Variants in TMEM266 observed in about 807,000 individuals in gnomAD.
TMEM266 encodes the protein Hv1 related protein 1.
In TMEM266, 33 loss-of-function variants were observed where a neutral mutation model predicts 50.5. The ratio of observed to expected loss-of-function variants is 0.65; its 90% CI spans 0.50 to 0.87. The LOEUF is 0.87. Ranked by LOEUF, TMEM266 falls within the 40% of genes least tolerant of loss-of-function variation. The probability of loss-of-function intolerance (pLI) is 0.00; values close to 1 mark genes in which losing one functional copy is unlikely to be tolerated. For synonymous variants in TMEM266, 310 were observed against 292.3 expected (o/e 1.06, Z -0.62); for missense variants, 655 against 695.1 (o/e 0.94, Z 0.65).
At chr15:76,175,812 C>T (rs1333687469) in intron 8 of TMEM266, 138 bp downstream of exon 8, 1 of 646,372 alleles carries the variant, frequency 1.5e-6, no homozygotes, top group African/African-American at 1.8e-5. Context: ...TCATGGGGAA[C>T]CTGAAGCCCA....
rs1307977748 is a variant in TMEM266 at position 76,204,232 on chromosome 15, C to T, written c.1513C>T (p.Gln505Ter). The change falls in exon 11 of 11, where the codon CAG becomes TAG. Residue 505 changes from glutamine to a stop codon, truncating the protein, a stop_gained. Coordinates refer to ENST00000388942, the MANE Select transcript of TMEM266 (RefSeq NM_152335.3). LOFTEE classifies it high-confidence loss of function. The stretch of plus-strand genomic sequence containing the variant: ...TCAGATCAGGCCTGTCATCCACTTC[C>T]AGCCCACTGTGCCCATGCTGGAGGA... The T allele has an allele frequency of 6.2e-7, 1 of 1,614,048 alleles. No homozygotes were observed. The highest frequency in any genetic ancestry group is 8.5e-7 in the Non-Finnish European group (1 of 1,180,006).
Position 76,171,103 on chromosome 15 carries a change from G to T in TMEM266, c.624G>T (p.Arg208=), listed in dbSNP as rs1434700284. The T allele has an allele frequency of 6.2e-7, 1 of 1,613,736 alleles. No individual in the cohort carries two copies. Among genetic ancestry groups the T allele is most frequent in the South Asian group, 1.1e-5 (1 of 90,958 alleles). The change falls in exon 7 of 11, where the codon CGG becomes CGT. Residue 208 remains arginine (R), a synonymous_variant. Coordinates refer to ENST00000388942, the MANE Select transcript of TMEM266 (RefSeq NM_152335.3). ...CCATCAGCCTCATCATCATGCTCCG[G>T]ATCTGGAGGGTGAAGAGGGTCATTG... is the stretch of plus-strand genomic sequence containing the variant.
chr15:76,065,016 C>A (rs533874822), intron 1 of TMEM266, among the ~76,000 whole-genome samples: 1 of 152,206 alleles, frequency 6.6e-6, no homozygotes, highest in African/African-American at 2.4e-5. Context: ...ATAGTCAAAT[C>A]TTTGTACTTT....
intron 9 of TMEM266, among the ~76,000 whole-genome samples, chr15:76,199,585 G>C (rs1294664796): frequency 6.6e-6 from 1 of 152,232 alleles, no homozygotes; most frequent in Non-Finnish European, 1.5e-5. Flanking sequence ...TGGCAGAGGA[G>C]GGCAGTTTCT....
rs191451465 is a variant in TMEM266, at chr15:76,153,925, C to T, written c.228-2679C>T. Among the ~76,000 whole-genome samples, 187 of 152,322 alleles carry T rather than the reference C, an allele frequency of 1.2e-3. No homozygotes were observed. The highest frequency in any genetic ancestry group is 4.0e-3 in the African/African-American group (168 of 41,572). On this transcript the variant is annotated intron_variant, in intron 3 of 10. Coordinates refer to ENST00000388942, the MANE Select transcript of TMEM266 (RefSeq NM_152335.3). The surrounding 1 kb of genome is among the most constrained non-coding windows in gnomAD (Gnocchi z 4.2). ...AGGCTTCTGGGAGCCTCCAGCCCAG[C>T]AGGGCCAAAGCTGTCATCTGAGCAC...
At chr15:76,060,163 C>T (rs115446795) in intron 1 of TMEM266, 147 bp downstream of exon 1, 1,566 of 152,334 alleles carry the variant, frequency 0.01, 16 homozygotes, top group Non-Finnish European at 0.014. Context: ...ACCTTCATCC[C>T]CCTGGCCGGG....
intron 7 of TMEM266, among the ~76,000 whole-genome samples, chr15:76,173,140 G>A (rs1006977683): frequency 3.9e-5 from 6 of 152,126 alleles, no homozygotes; most frequent in South Asian, 2.1e-4. Context: ...ATCTTGGGGC[G>A]GCCTCTGGAC....
chr15:76,184,146 C>A (rs748182526), intron 8 of TMEM266, among the ~76,000 whole-genome samples: 9 of 152,244 alleles, frequency 5.9e-5, no homozygotes, highest in Admixed American at 5.2e-4. Flanking sequence ...GAGGCTGGCT[C>A]ATTCCAGAGA....
At chr15:76,137,629 C>T in intron 2 of TMEM266, 78 bp from the exon 3 acceptor site, 4 of 1,394,298 alleles carry the variant, frequency 2.9e-6, no homozygotes, top group Admixed American at 1.7e-5. Flanking sequence ...AGCATTCTCC[C>T]TCCTTTCCTT....
chr15:76,197,925 G>A (rs2038679136), intron 9 of TMEM266, among the ~76,000 whole-genome samples: 2 of 152,374 alleles, frequency 1.3e-5, no homozygotes, highest in South Asian at 4.1e-4. Flanking sequence ...CCCACATAAT[G>A]AGCATTGGCA....
chr15:76,179,757 T>G (rs2038367596), intron 8 of TMEM266, among the ~76,000 whole-genome samples: 2 of 152,144 alleles, frequency 1.3e-5, no homozygotes, highest in Admixed American at 1.3e-4. Flanking sequence ...CCTGAAAAAT[T>G]GACATTTACC....
At chr15:76,146,202 G>A (rs1405665227) in intron 3 of TMEM266, among the ~76,000 whole-genome samples, 1 of 152,176 alleles carries the variant, frequency 6.6e-6, no homozygotes, top group African/African-American at 2.4e-5. Context: ...AGAAATGGTG[G>A]TGCAAGGTGG....
At position 76,204,354 on chromosome 15, in the gene TMEM266, ATCTCAAAGCTC is replaced by A; in HGVS notation, c.*42_*52del. 1 of 1,538,374 alleles carries A rather than the reference ATCTCAAAGCTC, an allele frequency of 6.5e-7. No individual in the cohort carries two copies. Among genetic ancestry groups the A allele is most frequent in the South Asian group, 1.2e-5 (1 of 81,308 alleles). ...CTGGGTGAGATGAGGGGAGACAGCC[ATCTCAAAGCTC>A]TCCTGGGACCCTGGAGGCTGCCAAG... On this transcript the variant is annotated 3_prime_UTR_variant, in exon 11 of 11. Transcript: ENST00000388942.
In TMEM266 at chr15:76,153,599, G is replaced by A. The variant is rs1031439300; in HGVS notation, c.228-3005G>A. 6.6e-6 allele frequency among the ~76,000 whole-genome samples: 1 copy of A among 152,176 alleles called. No individual in the cohort carries two copies. The highest frequency in any genetic ancestry group is 1.5e-5 in the Non-Finnish European group (1 of 68,032). On this transcript the variant is annotated intron_variant, in intron 3 of 10. Transcript: ENST00000388942. This position sits in a 1 kb window ranked among gnomAD's most constrained non-coding sequence, Gnocchi z 4.2. ...CTAGAAAAGACCATGCTAGAGCTGTGGGGGAGGAGTGAGCAGGCAGAGGGC... is the reference window on the plus strand; with the variant it reads ...CTAGAAAAGACCATGCTAGAGCTGTAGGGGAGGAGTGAGCAGGCAGAGGGC...
rs1452444340 is a variant in TMEM266 at position 76,204,036 on chromosome 15, A to C, written c.1317A>C (p.Thr439=). 6.2e-7 allele frequency: 1 copy of C among 1,609,838 alleles called. No homozygotes were observed. The highest frequency in any genetic ancestry group is 8.5e-7 in the Non-Finnish European group (1 of 1,177,018). Residue 439 remains threonine, a synonymous_variant, in exon 11 of 11, where the codon ACA becomes ACC. Coordinates refer to ENST00000388942, the MANE Select transcript of TMEM266 (RefSeq NM_152335.3). ...CCCAGCAGCAGGTGGAGGAGGCCAC[A>C]GTCCAGGACCTGCTGTCCTCCCTGT...
chr15:76,135,096 T>C (rs1338054363), intron 2 of TMEM266, among the ~76,000 whole-genome samples: 2 of 152,208 alleles, frequency 1.3e-5, no homozygotes, highest in Non-Finnish European at 2.9e-5. Context: ...CTGGCTCTTC[T>C]ACCATCTAAC....
At chr15:76,063,054 A>G (rs1191644170) in intron 1 of TMEM266, among the ~76,000 whole-genome samples, 3 of 152,188 alleles carry the variant, frequency 2.0e-5, no homozygotes, top group Non-Finnish European at 4.4e-5. Context: ...TTCTTAAAGT[A>G]TTTCTTAATT....
chr15:76,200,294 C>T (rs776901638), intron 9 of TMEM266, among the ~76,000 whole-genome samples: 6 of 152,160 alleles, frequency 3.9e-5, no homozygotes, highest in Admixed American at 1.3e-4. Flanking sequence ...CCAGTCCCTT[C>T]GCACTCCGCT....
intron 7 of TMEM266, among the ~76,000 whole-genome samples, chr15:76,172,496 G>A (rs555863722): frequency 1.3e-5 from 2 of 152,324 alleles, no homozygotes; most frequent in East Asian, 3.9e-4. Flanking sequence ...CTCAGGGTGG[G>A]CTCCCTCTCC....
Sources: allele counts gnomAD v4.1 joint callset (sites outside exome capture counted in the v4.1 genomes callset), GRCh38; gene constraint gnomAD v4.1.1; non-coding constraint Gnocchi (gnomAD v3.1); transcripts MANE v1.5; gene names NCBI Gene and HGNC (gene_info 2026-07-23, HGNC 2026-07-21).